PAM: variants seen among roughly 807,000 people sequenced by gnomAD.
The protein encoded by PAM is peptidylglycine alpha-amidating monooxygenase, also known as peptidyl-glycine alpha-amidating monooxygenase.
PAM carries 72 observed loss-of-function variants against 122.1 expected under a neutral mutation model. The observed-to-expected ratio is 0.59, with a 90% confidence interval of 0.49 to 0.72. The LOEUF (loss-of-function observed/expected upper bound fraction) is 0.72. PAM is among the 30% of genes least tolerant of loss of function. PAM has a pLI of 0.00. For missense variants in PAM, 1,106 were observed against 1,183.7 expected, an observed-to-expected ratio of 0.93 and a Z score of 0.96; for synonymous variants, 389 against 404.4, an observed-to-expected ratio of 0.96 and a Z score of 0.46.
intron 1 of PAM, among the ~76,000 whole-genome samples, chr5:102,755,824 G>C (rs1452853951): frequency 3.3e-5 from 5 of 151,734 alleles, no homozygotes; most frequent in Non-Finnish European, 5.9e-5. Flanking sequence ...CCGCGGAGTA[G>C]CAACCTGGGG....
At chr5:102,907,850 T>TCC (rs1475043035) in intron 4 of PAM, among the ~76,000 whole-genome samples, 2 of 152,098 alleles carry the variant, frequency 1.3e-5, no homozygotes, top group African/African-American at 4.8e-5. Context: ...TTGTTGGAGT[T>TCC]CATTGTAGAT....
At chr5:102,773,020 A>G (rs769532011) in intron 1 of PAM, among the ~76,000 whole-genome samples, 1 of 152,092 alleles carries the variant, frequency 6.6e-6, no homozygotes. Context: ...GCCAATTTTA[A>G]TGGGTGTTAC....
chr5:102,925,553 G>T (rs904249344), intron 6 of PAM, among the ~76,000 whole-genome samples: 1 of 152,164 alleles, frequency 6.6e-6, no homozygotes, highest in Non-Finnish European at 1.5e-5. Flanking sequence ...GTGTGGGTCT[G>T]TTACAGAATA....
chr5:103,023,226 T>C (rs572728670), intron 23 of PAM, among the ~76,000 whole-genome samples: 2 of 152,218 alleles, frequency 1.3e-5, no homozygotes, highest in African/African-American at 4.8e-5. Flanking sequence ...TGTTGCCCAA[T>C]TCTGGTTCTG....
Position 102,987,834 on chromosome 5 carries a change from C to G in PAM, c.1484-2438C>G, listed in dbSNP as rs192844754. Among the ~76,000 whole-genome samples, 4 of 152,292 alleles carry G rather than the reference C, an allele frequency of 2.6e-5. No individual in the cohort carries two copies. The East Asian group carries it at 7.7e-4, about 29-fold the overall frequency. On this transcript the variant is annotated intron_variant, in intron 15 of 25. Coordinates refer to ENST00000438793, the MANE Select transcript of PAM (RefSeq NM_001177306.2). ...TTATTTGCAAATTCAGGCATACCAGCTGTCATTCTGCCCACCTTCTCTCCA... is the reference window on the plus strand; with the variant it reads ...TTATTTGCAAATTCAGGCATACCAGGTGTCATTCTGCCCACCTTCTCTCCA...
intron 7 of PAM, among the ~76,000 whole-genome samples, chr5:102,943,144 G>T (rs962097412): frequency 2.0e-5 from 3 of 152,102 alleles, no homozygotes; most frequent in Non-Finnish European, 4.4e-5. Context: ...AGGATCAGCG[G>T]TTAATCTGTC....
intron 7 of PAM, among the ~76,000 whole-genome samples, chr5:102,940,397 G>A (rs1295828875): frequency 1.3e-5 from 2 of 149,032 alleles, no homozygotes; most frequent in African/African-American, 4.9e-5. Flanking sequence ...TTGGGACAAC[G>A]CAAAAGGAAA....
intron 16 of PAM, among the ~76,000 whole-genome samples, chr5:103,000,727 A>C (rs1777119535): frequency 6.6e-6 from 1 of 152,250 alleles, no homozygotes; most frequent in South Asian, 2.1e-4. Flanking sequence ...TGATGGCAAG[A>C]AGGAGAAGTG....
rs1256692881 is a variant in PAM at position 103,025,332 on chromosome 5, G to A, written c.2687G>A (p.Gly896Glu). 1 of 1,613,066 alleles carries A rather than the reference G, an allele frequency of 6.2e-7. No individual in the cohort carries two copies. Among genetic ancestry groups the A allele is most frequent in the Non-Finnish European group, 8.5e-7 (1 of 1,179,280 alleles). The stretch of plus-strand genomic sequence containing the variant: ...CGGTGGAAAAAATCAAGGGCCTTTG[G>A]AGGCAAGTAAAATGAGCCCCGTGAA... ...FIRWKKSRAFGDSEHKLETSS... is the reference protein window; with the variant it reads ...FIRWKKSRAFEDSEHKLETSS... Residue 896 changes from glycine to glutamate, a missense_variant and splice_region_variant, in exon 24 of 26, where the codon GGA becomes GAA. This residue lies in a region of PAM where 333 missense variants were observed against 335.6 expected (regional missense o/e 0.99). Transcript: ENST00000438793.
At chr5:102,892,355 C>A (rs1385401742) in intron 3 of PAM, among the ~76,000 whole-genome samples, 1 of 151,804 alleles carries the variant, frequency 6.6e-6, no homozygotes, top group South Asian at 2.1e-4. Context: ...ATCATTCTTG[C>A]ATTTGTTCTA....
In PAM at chr5:102,886,999, A is replaced by G. The variant is rs556025711; in HGVS notation, c.211-14357A>G. 1.1e-3 allele frequency among the ~76,000 whole-genome samples: 167 copies of G among 152,178 alleles called. 1 individual carries two copies. Among genetic ancestry groups the G allele is most frequent in the Middle Eastern group, 3.4e-3 (1 of 294 alleles). ...CCATATAGTATCAAAAAGATTGTCT[A>G]TCTTGTTAGGACTATATTCTCAGTG... On this transcript the variant is annotated intron_variant, in intron 3 of 25. Coordinates refer to ENST00000438793, the MANE Select transcript of PAM (RefSeq NM_001177306.2).
chr5:102,879,050 T>G (rs1790123574), intron 3 of PAM, among the ~76,000 whole-genome samples: 1 of 152,062 alleles, frequency 6.6e-6, no homozygotes, highest in African/African-American at 2.4e-5. Flanking sequence ...TGCCTCAGCC[T>G]CCCGAGTAGC....
intron 23 of PAM, among the ~76,000 whole-genome samples, chr5:103,023,862 C>A (rs17154965): frequency 0.25 from 37,834 of 151,978 alleles, 5,224 homozygotes; most frequent in East Asian, 0.44. Flanking sequence ...GAGGCTGGCT[C>A]AGAACGTTGA....
rs549824250 is a variant in PAM, at chr5:103,018,960, G to C, written c.2432-830G>C. ...TTCACAAAAGGGTTCAGGCTCCTAT[G>C]AGAATCTAATGACACCACTGATCTG... On this transcript the variant is annotated intron_variant, in intron 22 of 25. Coordinates refer to ENST00000438793, the MANE Select transcript of PAM (RefSeq NM_001177306.2). 1.2e-4 allele frequency among the ~76,000 whole-genome samples: 19 copies of C among 152,310 alleles called. 1 individual carries two copies. The highest frequency in any genetic ancestry group is 2.4e-4 in the Non-Finnish European group (16 of 68,028).
chr5:102,798,038 A>G (rs776331799), intron 1 of PAM, among the ~76,000 whole-genome samples: 36 of 152,128 alleles, frequency 2.4e-4, no homozygotes, highest in Admixed American at 4.6e-4. Flanking sequence ...ATAATGACAG[A>G]GATTGCTTAG....
chr5:102,828,078 C>G (rs955494692), intron 1 of PAM, among the ~76,000 whole-genome samples: 5 of 152,180 alleles, frequency 3.3e-5, no homozygotes, highest in African/African-American at 1.2e-4. Context: ...GTGGCTGATA[C>G]CTATAATCTC....
At chr5:102,850,067 C>T (rs1356987458) in intron 1 of PAM, among the ~76,000 whole-genome samples, 4 of 152,068 alleles carry the variant, frequency 2.6e-5, no homozygotes, top group African/African-American at 9.7e-5. Context: ...CTATGAGATC[C>T]TGAAGAACTG....
At chr5:102,950,416 G>GGTGTGGGTGTGTGTGTGT (rs1758438172) in intron 11 of PAM, among the ~76,000 whole-genome samples, 3 of 145,966 alleles carry the variant, frequency 2.1e-5, no homozygotes, top group African/African-American at 7.7e-5. Flanking sequence ...TATGTGGGTG[G>GGTGTGGGTGTGTGTGTGT]GTGTGTGTGT....
rs73175478 is a variant in PAM, at chr5:102,939,855, A to G, written c.527-6982A>G. On this transcript the variant is annotated intron_variant, in intron 7 of 25. Coordinates refer to ENST00000438793, the MANE Select transcript of PAM (RefSeq NM_001177306.2). ...AGAATAGTATTGTAAATAGATTAAG[A>G]TGATTGGGTTGAAAATGTAGATACT... 9.8e-3 allele frequency among the ~76,000 whole-genome samples: 1,497 copies of G among 152,150 alleles called. 21 individuals carry two copies. The highest frequency in any genetic ancestry group is 0.034 in the African/African-American group (1,432 of 41,528).
Sources: allele counts gnomAD v4.1 joint callset (sites outside exome capture counted in the v4.1 genomes callset), GRCh38; gene constraint gnomAD v4.1.1; regional missense constraint gnomAD v4.1.1; transcripts MANE v1.5; gene names NCBI Gene and HGNC (gene_info 2026-07-23, HGNC 2026-07-21).